DGKB: variants seen among roughly 807,000 people sequenced by gnomAD.
The protein encoded by DGKB is diacylglycerol kinase beta, also known as 90 kDa diacylglycerol kinase.
In DGKB, 67 loss-of-function variants were observed where a neutral mutation model predicts 114.3. The ratio of observed to expected loss-of-function variants is 0.59; its 90% CI spans 0.48 to 0.72. The LOEUF is 0.72. Among genes scored for constraint, DGKB ranks in the 30% least tolerant of loss-of-function variants. The pLI is 0.00. For synonymous variants in DGKB, 398 were observed against 323.1 expected, an observed-to-expected ratio of 1.23 and a Z score of -2.49; for missense variants, 907 against 975.2, an observed-to-expected ratio of 0.93 and a Z score of 0.93.
chr7:14,715,490 G>T (rs1240778155), intron 6 of DGKB, among the ~76,000 whole-genome samples: 3 of 152,088 alleles, frequency 2.0e-5, no homozygotes, highest in African/African-American at 4.8e-5. Context: ...TACCAACAAG[G>T]AGAGATAAAA....
At chr7:14,849,175 T>C (rs1849020002) in intron 1 of DGKB, among the ~76,000 whole-genome samples, 1 of 152,086 alleles carries the variant, frequency 6.6e-6, no homozygotes, top group Non-Finnish European at 1.5e-5. Context: ...TGGAGACTAA[T>C]GCAGTATCCT....
intron 20 of DGKB, among the ~76,000 whole-genome samples, chr7:14,554,611 C>T (rs1367782): frequency 0.57 from 85,835 of 151,788 alleles, 24,629 homozygotes; most frequent in East Asian, 0.84. Context: ...AATTTATAAG[C>T]CCATTACACA....
intron 20 of DGKB, among the ~76,000 whole-genome samples, chr7:14,493,111 G>C (rs993076080): frequency 7.9e-5 from 12 of 152,068 alleles, no homozygotes. Context: ...AGTATATGTG[G>C]TCAATTATGT....
chr7:14,629,745 TTCTC>T (rs1394909874), intron 14 of DGKB, among the ~76,000 whole-genome samples: 1 of 152,092 alleles, frequency 6.6e-6, no homozygotes, highest in African/African-American at 2.4e-5. Context: ...ATTCTGATGT[TTCTC>T]TATACAATGG....
chr7:14,241,490 T>C (rs546144304), intron 23 of DGKB, among the ~76,000 whole-genome samples: 1 of 152,120 alleles, frequency 6.6e-6, no homozygotes, highest in Non-Finnish European at 1.5e-5. Context: ...TAATAACCTA[T>C]AGCATACATA....
chr7:14,185,380 T>C (rs1424528223), intron 23 of DGKB, among the ~76,000 whole-genome samples: 3 of 151,976 alleles, frequency 2.0e-5, no homozygotes, highest in African/African-American at 7.3e-5. Context: ...CATGAACAAA[T>C]GGAAACACAT....
intron 6 of DGKB, among the ~76,000 whole-genome samples, chr7:14,707,659 CA>C (rs1382146609): frequency 2.8e-4 from 12 of 43,336 alleles, no homozygotes; most frequent in Non-Finnish European, 3.8e-4. Flanking sequence ...AAGGCTGGTT[CA>C]ATATACGCAA....
chr7:14,904,927 A>G (rs1783610337), upstream of DGKB, among the ~76,000 whole-genome samples: 1 of 152,152 alleles, frequency 6.6e-6, no homozygotes, highest in African/African-American at 2.4e-5. Flanking sequence ...TTTATCCACA[A>G]ATGGTATGAT....
intron 13 of DGKB, among the ~76,000 whole-genome samples, chr7:14,657,678 C>T (rs914737975): frequency 2.0e-5 from 3 of 151,792 alleles, no homozygotes; most frequent in Non-Finnish European, 4.4e-5. Flanking sequence ...AAGACACATC[C>T]TTAGTTAGTT....
At chr7:14,302,235 A>T (rs1803686613) in intron 23 of DGKB, among the ~76,000 whole-genome samples, 1 of 152,132 alleles carries the variant, frequency 6.6e-6, no homozygotes, top group South Asian at 2.1e-4. Flanking sequence ...TTATAATAAA[A>T]GGCAAGATAA....
At chr7:14,420,497 C>T (rs1469988553) in intron 21 of DGKB, among the ~76,000 whole-genome samples, 1 of 151,930 alleles carries the variant, frequency 6.6e-6, no homozygotes, top group African/African-American at 2.4e-5. Flanking sequence ...CAGTATCTAT[C>T]CTATTTATAT....
intron 14 of DGKB, among the ~76,000 whole-genome samples, chr7:14,629,548 A>T (rs1340539894): frequency 1.3e-5 from 2 of 152,134 alleles, no homozygotes; most frequent in East Asian, 3.9e-4. Context: ...TTACAATTTT[A>T]GGGAAACAAT....
intron 21 of DGKB, among the ~76,000 whole-genome samples, chr7:14,374,606 A>T (rs1210674330): frequency 6.6e-6 from 1 of 152,202 alleles, no homozygotes; most frequent in East Asian, 1.9e-4. Flanking sequence ...ATTAAATCCT[A>T]CATGATCTAA....
intron 23 of DGKB, among the ~76,000 whole-genome samples, chr7:14,290,641 T>C (rs1801613075): frequency 6.6e-6 from 1 of 152,150 alleles, no homozygotes; most frequent in African/African-American, 2.4e-5. Flanking sequence ...TAAAGCTTCT[T>C]CCCAGAGGAG....
chr7:14,791,360 G>A (rs1375712163), intron 2 of DGKB, among the ~76,000 whole-genome samples: 1 of 152,106 alleles, frequency 6.6e-6, no homozygotes, highest in Non-Finnish European at 1.5e-5. Context: ...CATGTCATCT[G>A]TAAACAGTGG....
At chr7:14,484,679 C>T (rs77037288) in intron 20 of DGKB, among the ~76,000 whole-genome samples, 4,075 of 152,236 alleles carry the variant, frequency 0.027, 186 homozygotes, top group African/African-American at 0.092. Context: ...TACCCAGCCT[C>T]AGGTGTTTCT....
intron 21 of DGKB, among the ~76,000 whole-genome samples, chr7:14,352,218 C>A (rs1459844498): frequency 1.3e-5 from 2 of 152,018 alleles, no homozygotes; most frequent in Non-Finnish European, 2.9e-5. Flanking sequence ...TAATTTTTAA[C>A]CTGAATTACT....
At chr7:14,971,639 A>T (rs1311361847) in intron 1 of DGKB, among the ~76,000 whole-genome samples, 1 of 152,198 alleles carries the variant, frequency 6.6e-6, no homozygotes, top group Non-Finnish European at 1.5e-5. Context: ...AAGTACATTA[A>T]AATTAAACGT....
chr7:14,570,306 C>G (rs1798187545), intron 20 of DGKB, among the ~76,000 whole-genome samples: 1 of 151,660 alleles, frequency 6.6e-6, no homozygotes, highest in Admixed American at 6.6e-5. Flanking sequence ...CATTTTCTGT[C>G]TCATTTCTAT....
Sources: allele counts gnomAD v4.1 joint callset (sites outside exome capture counted in the v4.1 genomes callset), GRCh38; gene constraint gnomAD v4.1.1; transcripts MANE v1.5; gene names NCBI Gene and HGNC (gene_info 2026-07-23, HGNC 2026-07-21).